Variants in SPON1 observed in about 807,000 individuals in gnomAD.
SPON1 encodes spondin-1.
SPON1 carries 52 observed loss-of-function variants against 111.7 expected under a neutral mutation model. That is an observed-to-expected ratio of 0.47 (90% confidence interval 0.37 to 0.59). The LOEUF (loss-of-function observed/expected upper bound fraction) is 0.59, where lower values mean the gene tolerates loss of function less well. Ranked by LOEUF, SPON1 falls within the 20% of genes least tolerant of loss-of-function variation. SPON1 has a pLI of 0.00. For missense variants in SPON1, 957 were observed against 1,068.5 expected, an observed-to-expected ratio of 0.90 and a Z score of 1.46; for synonymous variants, 410 against 395.8, an observed-to-expected ratio of 1.04 and a Z score of -0.43.
At chr11:14,243,962 C>T (rs1229390975) in intron 7 of SPON1, among the ~76,000 whole-genome samples, 1 of 152,176 alleles carries the variant, frequency 6.6e-6, no homozygotes, top group Non-Finnish European at 1.5e-5. Flanking sequence ...CCACCTGGAC[C>T]TTAAACTCAT....
intron 6 of SPON1, among the ~76,000 whole-genome samples, chr11:14,211,956 T>G (rs1280718319): frequency 5.9e-5 from 9 of 152,216 alleles, no homozygotes; most frequent in Non-Finnish European, 7.3e-5. Context: ...AAAAAAGCTT[T>G]TAATCTTAAT....
chr11:14,114,194 C>T (rs1439355865), intron 5 of SPON1, among the ~76,000 whole-genome samples: 1 of 152,192 alleles, frequency 6.6e-6, no homozygotes, highest in Non-Finnish European at 1.5e-5. Context: ...CCCCACTTCC[C>T]TTCTGTCCCC....
intron 5 of SPON1, among the ~76,000 whole-genome samples, chr11:14,099,554 T>C (rs993131596): frequency 4.6e-5 from 7 of 152,258 alleles, no homozygotes; most frequent in Non-Finnish European, 7.3e-5. Context: ...GTTTTCTTAA[T>C]AGAGTGCTTT....
chr11:14,154,980 G>T (rs539323159), intron 6 of SPON1, among the ~76,000 whole-genome samples: 1 of 152,222 alleles, frequency 6.6e-6, no homozygotes, highest in South Asian at 2.1e-4. Context: ...ACACAATGCC[G>T]CCAGTCTCTT....
intron 6 of SPON1, among the ~76,000 whole-genome samples, chr11:14,179,962 A>G (rs1848220219): frequency 6.6e-6 from 1 of 152,110 alleles, no homozygotes; most frequent in African/African-American, 2.4e-5. Flanking sequence ...CTCACTGCTA[A>G]CTACCTTGAT....
intron 6 of SPON1, among the ~76,000 whole-genome samples, chr11:14,188,999 T>G (rs1409040973): frequency 6.6e-6 from 1 of 152,266 alleles, no homozygotes; most frequent in Non-Finnish European, 1.5e-5. Context: ...GAAATTTGGC[T>G]TTCCAAATGT....
At chr11:13,991,355 C>G (rs577466429) in intron 2 of SPON1, among the ~76,000 whole-genome samples, 20 of 152,264 alleles carry the variant, frequency 1.3e-4, no homozygotes, top group South Asian at 4.1e-4. Context: ...CTTTCTTCCA[C>G]TTGATCAATT....
At chr11:14,260,984 G>A (rs966950151) in intron 14 of SPON1, among the ~76,000 whole-genome samples, 1 of 152,136 alleles carries the variant, frequency 6.6e-6, no homozygotes, top group Non-Finnish European at 1.5e-5. Context: ...TTCCTGTGAA[G>A]TCTAAATGAC....
At chr11:14,079,255 G>A (rs11023078) in intron 4 of SPON1, among the ~76,000 whole-genome samples, 38,969 of 151,948 alleles carry the variant, frequency 0.26, 6,024 homozygotes, top group South Asian at 0.41. Context: ...GTTTTTCCTG[G>A]CTACTTCTAT....
In SPON1 at chr11:14,136,787, A is replaced by C. The variant is rs1847597454; in HGVS notation, c.825+1219A>C. Among the ~76,000 whole-genome samples, 6 of 152,202 alleles carry C rather than the reference A, an allele frequency of 3.9e-5. No individual in the cohort carries two copies. The South Asian group carries it at 6.2e-4, about 16-fold the overall frequency. On this transcript the variant is annotated intron_variant, in intron 6 of 15. Coordinates refer to ENST00000576479, the MANE Select transcript of SPON1 (RefSeq NM_006108.4). ...GATGTTTTAAGAGTGCATGCTATTC[A>C]TCCAAGATGAGCTATCTAACTATGC...
intron 5 of SPON1, among the ~76,000 whole-genome samples, chr11:14,106,587 G>A (rs1432916144): frequency 6.6e-6 from 1 of 152,166 alleles, no homozygotes; most frequent in Non-Finnish European, 1.5e-5. Context: ...ACTGTTTGGG[G>A]TTGAAAGTGA....
At chr11:14,052,118 T>C (rs1054672058) in intron 3 of SPON1, among the ~76,000 whole-genome samples, 18 of 151,948 alleles carry the variant, frequency 1.2e-4, no homozygotes, top group African/African-American at 4.4e-4. Flanking sequence ...TAACCAGGGG[T>C]TGGAGGTCTA....
At chr11:14,080,512 A>G (rs556801497) in intron 5 of SPON1, among the ~76,000 whole-genome samples, 1 of 152,264 alleles carries the variant, frequency 6.6e-6, no homozygotes, top group South Asian at 2.1e-4. Flanking sequence ...TACAGGTGTG[A>G]GCCACTGTGC....
intron 5 of SPON1, among the ~76,000 whole-genome samples, chr11:14,091,874 A>C (rs1184737536): frequency 1.3e-5 from 2 of 151,468 alleles, no homozygotes; most frequent in Non-Finnish European, 2.9e-5. Flanking sequence ...GAGGACTGCC[A>C]GCACGCTGTC....
rs193117234 is a variant in SPON1, at chr11:14,079,860, G to C, written c.554-39G>C. 5.6e-6 allele frequency: 9 copies of C among 1,613,082 alleles called. No individual in the cohort carries two copies. In the Admixed American group the frequency reaches 1.0e-4, roughly 18 times the overall value. ...TAGCACCACCTTATATACAACCCAC[G>C]TTTACTTTCTAACTTGGTGACTTTT... On this transcript the variant is annotated intron_variant, in intron 4 of 15. Transcript: ENST00000576479.
chr11:14,160,917 T>TTATCTATTTATA (rs1847934047), intron 6 of SPON1, among the ~76,000 whole-genome samples: 1 of 41,518 alleles, frequency 2.4e-5, no homozygotes, highest in African/African-American at 9.9e-5. Flanking sequence ...ATATATATAT[T>TTATCTATTTATA]TATATATTTA....
intron 5 of SPON1, among the ~76,000 whole-genome samples, chr11:14,122,496 CTCAA>C (rs1307447511): frequency 1.3e-5 from 2 of 152,168 alleles, no homozygotes; most frequent in Non-Finnish European, 2.9e-5. Flanking sequence ...ATTTTTCTAA[CTCAA>C]TCTATCTATT....
chr11:13,984,621 C>A (rs1554910102), intron 2 of SPON1, among the ~76,000 whole-genome samples: 1 of 152,186 alleles, frequency 6.6e-6, no homozygotes, highest in Non-Finnish European at 1.5e-5. Context: ...TCTTATTAGG[C>A]CCTACCTCTC....
rs11023050 is a variant in SPON1, at chr11:14,009,126, T to A, written c.345+26173T>A. ...GGTCAGGGACTTAGTTCCATTCATG[T>A]GTTCCCTGTGTCCTCATCATCTTGA... On this transcript the variant is annotated intron_variant, in intron 2 of 15. Transcript: ENST00000576479. Among the ~76,000 whole-genome samples the A allele has an allele frequency of 5.0e-3, 764 of 152,348 alleles. 2 individuals are homozygous for A. The highest frequency in any genetic ancestry group is 0.017 in the African/African-American group (719 of 41,582).
Sources: allele counts gnomAD v4.1 joint callset (sites outside exome capture counted in the v4.1 genomes callset), GRCh38; gene constraint gnomAD v4.1.1; transcripts MANE v1.5; gene names NCBI Gene and HGNC (gene_info 2026-07-23, HGNC 2026-07-21).